Variants in OTOG observed in about 807,000 individuals in gnomAD.
OTOG encodes the protein otogelin.
Under a neutral mutation model 313.8 loss-of-function variants are expected in OTOG, and 296 were observed. The ratio of observed to expected loss-of-function variants is 0.94; its 90% CI spans 0.86 to 1.04. The LOEUF is 1.04. Ranked by LOEUF, OTOG falls within the 50% of genes least tolerant of loss-of-function variation. The probability of loss-of-function intolerance (pLI) is 0.00; values close to 1 mark genes in which losing one functional copy is unlikely to be tolerated. For missense variants in OTOG, 3,948 were observed against 3,840.1 expected (o/e 1.03, Z -0.74); for synonymous variants, 1,533 against 1,554.9 (o/e 0.99, Z 0.33).
chr11:17,549,136 G>A (rs1851877257), intron 3 of OTOG, among the ~76,000 whole-genome samples: 1 of 152,186 alleles, frequency 6.6e-6, no homozygotes, highest in African/African-American at 2.4e-5. Context: ...TGGATCAGGT[G>A]ACTCAGGTCT....
chr11:17,578,309 C>A, intron 22 of OTOG, 64 bp from the exon 23 acceptor site: 1 of 1,410,818 alleles, frequency 7.1e-7, no homozygotes, highest in Non-Finnish European at 9.2e-7. Flanking sequence ...CAGCTGCTGC[C>A]CCTGTAGCCC....
rs55881341 is a variant in OTOG, at chr11:17,578,506, G to A, written c.2739G>A (p.Ser913=). The part of the protein sequence containing the change: ...LSVSARGPCL[S]GCACPQGLLR... ...TGTCAGCCCGTGGCCCCTGCCTCTC[G>A]GGCTGCGCCTGTCCCCAGGGGTAAG... The change falls in exon 23 of 56, where the codon TCG becomes TCA. Residue 913 remains serine, a synonymous_variant. Transcript: ENST00000399397. 2.1e-3 allele frequency: 3,291 copies of A among 1,537,564 alleles called. 53 individuals are homozygous for A. The African/African-American group carries it at 0.039, about 18-fold the overall frequency.
chr11:17,553,635 C>A, intron 6 of OTOG, 116 bp downstream of exon 6: 2 of 969,534 alleles, frequency 2.1e-6, no homozygotes, highest in Non-Finnish European at 2.7e-6. Flanking sequence ...CCTTGCATCG[C>A]CCCCCAGCTC....
At chr11:17,585,461 C>G (rs1387580704) in intron 23 of OTOG, among the ~76,000 whole-genome samples, 1 of 152,202 alleles carries the variant, frequency 6.6e-6, no homozygotes, top group Non-Finnish European at 1.5e-5. Flanking sequence ...GAACCAGCAT[C>G]TGGTTTCACT....
Position 17,569,151 on chromosome 11 carries a change from T to C in OTOG, c.1645-5T>C, listed in dbSNP as rs1344423169. ...ACTGCCCCATTGACCTTTCTATCTC[T>C]CCAGAACCAAGATGGAGCCTGTGTC... On this transcript the variant is annotated splice_region_variant and splice_polypyrimidine_tract_variant and intron_variant, in intron 15 of 55. Coordinates refer to ENST00000399397, the MANE Select transcript of OTOG (RefSeq NM_001292063.2). 2.6e-6 allele frequency: 4 copies of C among 1,550,482 alleles called. No individual in the cohort carries two copies. The highest frequency in any genetic ancestry group is 2.6e-6 in the Non-Finnish European group (3 of 1,147,010).
intron 39 of OTOG, among the ~76,000 whole-genome samples, chr11:17,627,724 A>T (rs972085805): frequency 6.6e-6 from 1 of 152,120 alleles, no homozygotes; most frequent in Non-Finnish European, 1.5e-5. Flanking sequence ...GCTTTTCCTT[A>T]CTGGGAGACT....
intron 36 of OTOG, 32 bp from the exon 37 acceptor site, chr11:17,612,130 G>A (rs1282336039): frequency 6.5e-7 from 1 of 1,547,784 alleles, no homozygotes; most frequent in South Asian, 1.2e-5. Context: ...GCTCCTTGAT[G>A]GTCACTCACA....
chr11:17,580,933 C>A (rs1210465083), intron 23 of OTOG, among the ~76,000 whole-genome samples: 1 of 151,942 alleles, frequency 6.6e-6, no homozygotes. Flanking sequence ...CCTCCCACAA[C>A]CACAGTGAAA....
At position 17,561,801 on chromosome 11, in the gene OTOG, TGGCCTG is replaced by T; in HGVS notation, c.1640_1644+1del. On this transcript the variant is annotated inframe_deletion and splice_region_variant, in exon 15 of 56. Transcript: ENST00000399397. The stretch of plus-strand genomic sequence containing the variant: ...CCGTGACATTGCAGAATGCCCCATG[TGGCCTG>T]GTAAGAGCTGGGGATCCCCAGGCCC... The T allele has an allele frequency of 1.3e-6, 2 of 1,550,386 alleles. No individual in the cohort carries two copies. The highest frequency in any genetic ancestry group is 1.7e-6 in the Non-Finnish European group (2 of 1,146,938).
rs145560582 is a variant in OTOG at position 17,637,967 on chromosome 11, A to G, written c.7796-484A>G. On this transcript the variant is annotated intron_variant, in intron 47 of 55. Transcript: ENST00000399397. ...TTCTCCCAGCAAATGAGAATGGCTG[A>G]GGAATCCTGAACTGAGAAAAGTCAG... Among the ~76,000 whole-genome samples the G allele has an allele frequency of 2.0e-3, 302 of 152,322 alleles. 4 individuals carry two copies. The highest frequency in any genetic ancestry group is 0.011 in the East Asian group (55 of 5,176).
intron 6 of OTOG, among the ~76,000 whole-genome samples, chr11:17,553,766 T>C (rs1851997224): frequency 6.6e-6 from 1 of 152,256 alleles, no homozygotes; most frequent in African/African-American, 2.4e-5. Flanking sequence ...GTGCATACTG[T>C]ACTCTTTTCT....
At chr11:17,640,642 C>A in intron 49 of OTOG, 103 bp from the exon 50 acceptor site, 1 of 1,265,626 alleles carries the variant, frequency 7.9e-7, no homozygotes, top group Non-Finnish European at 1.1e-6. Flanking sequence ...CTCCTGCCCA[C>A]CACAGGGAGG....
rs1335138003 is a variant in OTOG at position 17,602,179 on chromosome 11, C to T, written c.3710-31C>T. ...TATGGGAGGTGGGCAGGCCATGGGGCCAGGTTGCTGATGGGGCCTCTTCTC... is the reference window on the plus strand; with the variant it reads ...TATGGGAGGTGGGCAGGCCATGGGGTCAGGTTGCTGATGGGGCCTCTTCTC... On this transcript the variant is annotated intron_variant, in intron 31 of 55. Transcript: ENST00000399397. 1.1e-5 allele frequency: 17 copies of T among 1,547,466 alleles called. No individual in the cohort carries two copies. In the East Asian group the frequency reaches 4.2e-4, roughly 38 times the overall value.
At chr11:17,614,011 A>T (rs1489636373) in intron 39 of OTOG, among the ~76,000 whole-genome samples, 2 of 152,178 alleles carry the variant, frequency 1.3e-5, no homozygotes, top group African/African-American at 4.8e-5. Context: ...TCACTTTTGC[A>T]ATTTTCACAA....
rs185126112 is a variant in OTOG, at chr11:17,640,415, T to G, written c.7936-330T>G. Among the ~76,000 whole-genome samples the G allele has an allele frequency of 1.6e-4, 24 of 152,278 alleles. 1 individual carries two copies. In the Middle Eastern group the frequency reaches 0.024, roughly 151 times the overall value. On this transcript the variant is annotated intron_variant, in intron 49 of 55. Transcript: ENST00000399397. ...TCCTTTTCTGAATTATATGTAACCCTCCCCACCCCAGCACACATTTCCTCT... is the reference window on the plus strand; with the variant it reads ...TCCTTTTCTGAATTATATGTAACCCGCCCCACCCCAGCACACATTTCCTCT...
chr11:17,640,750 G>A lies in OTOG; in HGVS notation c.7941G>A (p.Glu2647=). 1.3e-6 allele frequency: 2 copies of A among 1,549,924 alleles called. No individual in the cohort carries two copies. Among genetic ancestry groups the A allele is most frequent in the Middle Eastern group, 1.7e-4 (1 of 5,982 alleles). ...TIPVPRCHLW[E]KSQLDEEFMH... Reference sequence around the variant, plus strand: ...ACTGCCTCTGCCCCACCCAGTGGGAGAAATCCCAGCTGGATGAGGAGTTCA... The same window carrying A: ...ACTGCCTCTGCCCCACCCAGTGGGAAAAATCCCAGCTGGATGAGGAGTTCA... The change falls in exon 50 of 56, where the codon GAG becomes GAA. Residue 2647 remains glutamate, a synonymous_variant. Transcript: ENST00000399397.
At position 17,555,859 on chromosome 11, in the gene OTOG, G is replaced by A. The variant is rs1212087350; in HGVS notation, c.621G>A (p.Glu207=). Residue 207 remains glutamate, a synonymous_variant, in exon 7 of 56, where the codon GAG becomes GAA. Transcript: ENST00000399397. ...AVSLFFVGEQ[E]IHLAKEVTHG... Reference sequence around the variant, plus strand: ...GCCTCTTCTTTGTGGGTGAGCAGGAGATCCATCTGGCCAAGGAGGTCACCC... The same window carrying A: ...GCCTCTTCTTTGTGGGTGAGCAGGAAATCCATCTGGCCAAGGAGGTCACCC... 1 of 1,551,066 alleles carries A rather than the reference G, an allele frequency of 6.4e-7. No individual in the cohort carries two copies. The highest frequency in any genetic ancestry group is 2.0e-5 in the Admixed American group (1 of 51,016).
intron 23 of OTOG, among the ~76,000 whole-genome samples, chr11:17,579,234 C>G (rs894841801): frequency 5.9e-5 from 9 of 152,212 alleles, no homozygotes; most frequent in African/African-American, 1.9e-4. Context: ...AGTGGTCACC[C>G]GGGAGTCGTG....
At chr11:17,612,816 A>G in intron 38 of OTOG, 51 bp downstream of exon 38, 1 of 1,525,484 alleles carries the variant, frequency 6.6e-7, no homozygotes, top group Non-Finnish European at 8.8e-7. Context: ...TGGGACTAGG[A>G]TAAGAGGGGA....
Sources: gnomAD v4.1 joint callset for allele counts (sites outside exome capture counted in the v4.1 genomes callset) on GRCh38, gnomAD v4.1.1 for gene constraint, MANE v1.5 for transcripts, NCBI Gene and HGNC (gene_info 2026-07-23, HGNC 2026-07-21) for gene names.